The following CTBP2 variants were observed in gnomAD, a reference collection of about 807,000 sequenced individuals.
The protein encoded by CTBP2 is C-terminal binding protein 2.
Under a neutral mutation model 80.3 loss-of-function variants are expected in CTBP2, and 30 were observed. That is an observed-to-expected ratio of 0.37 (90% CI 0.28 to 0.51). The LOEUF (loss-of-function observed/expected upper bound fraction) is 0.51, where lower values mean the gene tolerates loss of function less well. Ranked by LOEUF, CTBP2 falls within the 20% of genes least tolerant of loss-of-function variation. The probability of loss-of-function intolerance (pLI) is 0.93; values close to 1 mark genes in which losing one functional copy is unlikely to be tolerated. For missense variants in CTBP2, 1,212 were observed against 1,375.3 expected, an observed-to-expected ratio of 0.88 and a Z score of 1.88; for synonymous variants, 594 against 587.4, an observed-to-expected ratio of 1.01 and a Z score of -0.16.
chr10:125,094,601 G>A (rs12356887), intron 2 of CTBP2, among the ~76,000 whole-genome samples: 24,108 of 152,040 alleles, frequency 0.16, 2,442 homozygotes, highest in East Asian at 0.36. Flanking sequence ...TCTCAAGCAG[G>A]GGACACTGGG....
chr10:125,062,158 C>T (rs1216548040), intron 2 of CTBP2, among the ~76,000 whole-genome samples: 3 of 152,154 alleles, frequency 2.0e-5, no homozygotes, highest in Admixed American at 2.0e-4. Flanking sequence ...AAAACGGTGC[C>T]TACAGGGGAA....
chr10:125,117,480 C>T (rs548678352), intron 1 of CTBP2, among the ~76,000 whole-genome samples: 10 of 152,294 alleles, frequency 6.6e-5, no homozygotes, highest in African/African-American at 2.4e-4. Flanking sequence ...CCAAGCCCAC[C>T]ATATTAATTA....
intron 1 of CTBP2, among the ~76,000 whole-genome samples, chr10:125,011,244 C>A (rs1349438045): frequency 1.3e-5 from 2 of 152,228 alleles, no homozygotes; most frequent in African/African-American, 4.8e-5. Context: ...GCAAAGTCAG[C>A]TGGAGGTTTG....
At chr10:125,065,874 CGGATAGCTTGAGCCTA>C (rs1241045434) in intron 2 of CTBP2, among the ~76,000 whole-genome samples, 3 of 151,992 alleles carry the variant, frequency 2.0e-5, no homozygotes, top group East Asian at 1.9e-4. Flanking sequence ...CTGAGGTGGG[CGGATAGCTTGAGCCTA>C]GGATAGCTTG....
At chr10:125,134,756 A>C (rs1856707398) in intron 1 of CTBP2, among the ~76,000 whole-genome samples, 1 of 152,042 alleles carries the variant, frequency 6.6e-6, no homozygotes, top group Non-Finnish European at 1.5e-5. Context: ...GAAAGGAGCC[A>C]ACAGTACAGA....
intron 2 of CTBP2, among the ~76,000 whole-genome samples, chr10:125,043,731 C>G (rs537846289): frequency 1.3e-5 from 2 of 151,924 alleles, no homozygotes; most frequent in African/African-American, 4.8e-5. Flanking sequence ...CAACCGTGCC[C>G]GGCCGACCCT....
chr10:124,999,694 C>G (rs1954168340), intron 3 of CTBP2: 1 of 152,268 alleles, frequency 6.6e-6, no homozygotes, highest in South Asian at 2.1e-4. Context: ...TTCCCACGAG[C>G]TGGATGCCAG....
intron 2 of CTBP2, among the ~76,000 whole-genome samples, chr10:125,048,209 C>T (rs1961750710): frequency 6.6e-6 from 1 of 152,136 alleles, no homozygotes; most frequent in South Asian, 2.1e-4. Context: ...CTGGCCCAGC[C>T]CAAGGGAGGC....
intron 1 of CTBP2, among the ~76,000 whole-genome samples, chr10:125,011,044 T>A (rs1199021229): frequency 6.6e-6 from 1 of 152,094 alleles, no homozygotes; most frequent in Admixed American, 6.5e-5. Context: ...TCCCTCAAGT[T>A]CCCCCTGCTT....
intron 1 of CTBP2, chr10:125,138,094 T>C (rs955055710): frequency 6.6e-6 from 1 of 152,210 alleles, no homozygotes; most frequent in Non-Finnish European, 1.5e-5. Context: ...GAGCAAATCA[T>C]CCGCAAAGCC....
rs907573101 is a variant in CTBP2, at chr10:125,066,536, C to T, written c.-101-27381G>A. On this transcript the variant is annotated intron_variant, in intron 2 of 10. Transcript: ENST00000337195. This position sits in a 1 kb window ranked among gnomAD's most constrained non-coding sequence, Gnocchi z 4.1. ...ACAGGAGCCTGCTGGGGGTAGCTCA[C>T]GGGGACTGGAAGCATGGCCCTGAAG... is the stretch of plus-strand genomic sequence containing the variant. Among the ~76,000 whole-genome samples, 1 of 152,096 alleles carries T rather than the reference C, an allele frequency of 6.6e-6. No individual in the cohort carries two copies. Among genetic ancestry groups the T allele is most frequent in the Non-Finnish European group, 1.5e-5 (1 of 68,030 alleles).
intron 1 of CTBP2, among the ~76,000 whole-genome samples, chr10:125,152,084 G>A (rs1241866139): frequency 6.6e-6 from 1 of 152,142 alleles, no homozygotes; most frequent in Non-Finnish European, 1.5e-5. Flanking sequence ...TGCCCTGCGG[G>A]GGGAAGAGGG....
chr10:125,159,327 C>G (rs1241561987), intron 1 of CTBP2, among the ~76,000 whole-genome samples: 2 of 132,888 alleles, frequency 1.5e-5, no homozygotes, highest in Non-Finnish European at 1.6e-5. Context: ...GGGAGGCGGG[C>G]GGGCCGGGCT....
At chr10:125,004,086 C>T (rs754266583) in intron 1 of CTBP2, among the ~76,000 whole-genome samples, 11 of 152,242 alleles carry the variant, frequency 7.2e-5, no homozygotes, top group Non-Finnish European at 1.5e-4. Flanking sequence ...CCAGAGCCAT[C>T]ATATTAATCC....
intron 1 of CTBP2, among the ~76,000 whole-genome samples, chr10:125,136,166 T>C (rs924025441): frequency 6.6e-6 from 1 of 152,152 alleles, no homozygotes; most frequent in Non-Finnish European, 1.5e-5. Flanking sequence ...CAGATAAGGA[T>C]GAGAACGAAG....
intron 1 of CTBP2, among the ~76,000 whole-genome samples, chr10:125,131,458 A>C (rs1458515983): frequency 6.6e-6 from 1 of 152,204 alleles, no homozygotes; most frequent in Admixed American, 6.5e-5. Flanking sequence ...GGACTCAGTG[A>C]ATAAATGAGC....
chr10:125,131,224 GTCAC>G (rs1856127451), intron 1 of CTBP2, among the ~76,000 whole-genome samples: 1 of 152,210 alleles, frequency 6.6e-6, no homozygotes, highest in Non-Finnish European at 1.5e-5. Flanking sequence ...GGGGCCACCA[GTCAC>G]TCACATTCCC....
At position 124,989,029 on chromosome 10, in the gene CTBP2, G is replaced by A. The variant is rs921677289; in HGVS notation, c.*489C>T. 4.8e-6 allele frequency: 1 copy of A among 207,884 alleles called. No individual in the cohort carries two copies. The highest frequency in any genetic ancestry group is 9.7e-6 in the Non-Finnish European group (1 of 102,786). 12.9% of individuals were successfully genotyped at this position (207,884 alleles called of 1,614,324 possible). A position where few individuals can be genotyped will look rare whatever the true frequency, so the allele number is the denominator to read the frequency against. ...CCTATGCGTGCAGGTGTCTACCACA[G>A]GCAAACAGTTTTCTCCCCATTTTGT... On this transcript the variant is annotated 3_prime_UTR_variant, in exon 9 of 9. Coordinates refer to ENST00000309035, the MANE Select transcript of CTBP2 (RefSeq NM_022802.3).
Position 124,989,611 on chromosome 10 carries a change from G to T in CTBP2, c.2865C>A (p.His955Gln). Residue 955 changes from histidine to glutamine, a missense_variant, in exon 9 of 9, where the codon CAC (histidine) becomes CAA (glutamine). Coordinates refer to ENST00000309035, the MANE Select transcript of CTBP2 (RefSeq NM_022802.3). ...AAGGATGTGCCACTGTCGGGAGGTTGTGAGTCACTGGGATGCCTCCAGGGA... is the reference window on the plus strand; with the variant it reads ...AAGGATGTGCCACTGTCGGGAGGTTTTGAGTCACTGGGATGCCTCCAGGGA... 7 of 1,612,750 alleles carry T rather than the reference G, an allele frequency of 4.3e-6. No homozygotes were observed. Among genetic ancestry groups the T allele is most frequent in the Non-Finnish European group, 5.9e-6 (7 of 1,179,474 alleles).
Sources: allele counts gnomAD v4.1 joint callset (sites outside exome capture counted in the v4.1 genomes callset), GRCh38; gene constraint gnomAD v4.1.1; non-coding constraint Gnocchi (gnomAD v3.1); transcripts MANE v1.5; gene names NCBI Gene and HGNC (gene_info 2026-07-23, HGNC 2026-07-21).